The following PRMT8 variants were observed in gnomAD, a reference collection of about 807,000 sequenced individuals.
PRMT8 encodes protein arginine methyltransferase 8, also known as protein arginine N-methyltransferase 8.
PRMT8 carries 7 observed loss-of-function variants against 47.1 expected under a neutral mutation model. That is an observed-to-expected ratio of 0.15 (90% CI 0.08 to 0.28). The LOEUF is 0.28. PRMT8 is among the 10% of genes least tolerant of loss of function. PRMT8 has a pLI of 1.00. For synonymous variants in PRMT8, 188 were observed against 186.5 expected (o/e 1.01, Z -0.07); for missense variants, 237 against 505.4 (o/e 0.47, Z 5.09).
intron 1 of PRMT8, among the ~76,000 whole-genome samples, chr12:3,425,155 A>G (rs544004262): frequency 6.6e-6 from 1 of 152,296 alleles, no homozygotes; most frequent in African/African-American, 2.4e-5. Flanking sequence ...GAGTATTGCA[A>G]ACTTCGATGG....
At chr12:3,454,689 G>A (rs760844239) in intron 1 of PRMT8, among the ~76,000 whole-genome samples, 1 of 152,150 alleles carries the variant, frequency 6.6e-6, no homozygotes, top group Non-Finnish European at 1.5e-5. Flanking sequence ...AGGAAGGGGA[G>A]GAGTGAAACC....
At chr12:3,451,035 C>CCCA (rs1864912443) in intron 1 of PRMT8, among the ~76,000 whole-genome samples, 1 of 5,054 alleles carries the variant, frequency 2.0e-4, no homozygotes, top group African/African-American at 6.3e-4. Flanking sequence ...TTGCTGACAC[C>CCCA]CCCCCCCCCC....
chr12:3,437,213 A>G (rs1864753127), intron 1 of PRMT8, among the ~76,000 whole-genome samples: 1 of 152,076 alleles, frequency 6.6e-6, no homozygotes, highest in South Asian at 2.1e-4. Context: ...ATATATTTAT[A>G]TATATCTTCT....
Position 3,580,356 on chromosome 12 carries a change from G to GTA in PRMT8, c.829-2701_829-2700insAT. On this transcript the variant is annotated intron_variant, in intron 7 of 9. Coordinates refer to ENST00000382622, the MANE Select transcript of PRMT8 (RefSeq NM_019854.5). This position sits in a 1 kb window ranked among gnomAD's most constrained non-coding sequence, Gnocchi z 4.6. Reference sequence around the variant, plus strand: ...CGTGTGCGTGTGTGTGTGTGTGTGTGTGTGTGTGTGTACGCGTGCGCATGC... The same window carrying GTA: ...CGTGTGCGTGTGTGTGTGTGTGTGTGTATGTGTGTGTGTACGCGTGCGCATGC... Among the ~76,000 whole-genome samples, 1 of 147,020 alleles carries GTA rather than the reference G, an allele frequency of 6.8e-6. No homozygotes were observed. Among genetic ancestry groups the GTA allele is most frequent in the Admixed American group, 6.7e-5 (1 of 14,958 alleles).
At chr12:3,581,380 A>G (rs1867062222) in intron 7 of PRMT8, among the ~76,000 whole-genome samples, 1 of 152,144 alleles carries the variant, frequency 6.6e-6, no homozygotes, top group Non-Finnish European at 1.5e-5. Context: ...TTTCTTCATT[A>G]GTTTTGAAGA....
At chr12:3,487,354 C>CA (rs1167756951), upstream of PRMT8, among the ~76,000 whole-genome samples, 1 of 56 alleles carries the variant, frequency 0.018, no homozygotes, top group African/African-American at 0.1. Context: ...GCATGGTCCG[C>CA]AGTTAAAATG....
intron 5 of PRMT8, 88 bp downstream of exon 5, chr12:3,568,936 A>G (rs1293844840): frequency 1.5e-5 from 23 of 1,547,186 alleles, no homozygotes; most frequent in South Asian, 4.8e-5. Context: ...GCATACGAAG[A>G]CTTCAGAGAA....
chr12:3,568,610 AG>A (rs144225287), intron 4 of PRMT8, 95 bp from the exon 5 acceptor site: 64,277 of 1,401,812 alleles, frequency 0.046, 1,731 homozygotes, highest in South Asian at 0.062. Context: ...GAATCAGAAT[AG>A]GGCTGAAACC....
At position 3,574,660 on chromosome 12, in the gene PRMT8, G is replaced by C. The variant is rs192727724; in HGVS notation, c.713-2211G>C. Among the ~76,000 whole-genome samples, 37 of 152,304 alleles carry C rather than the reference G, an allele frequency of 2.4e-4. No individual in the cohort carries two copies. In the East Asian group the frequency reaches 6.2e-3, roughly 25 times the overall value. ...ATCACATTTAATCCTCATAGCAATCGTATGGGATTACCATCTTTATCATCA... is the reference window on the plus strand; with the variant it reads ...ATCACATTTAATCCTCATAGCAATCCTATGGGATTACCATCTTTATCATCA... On this transcript the variant is annotated intron_variant, in intron 6 of 9. Coordinates refer to ENST00000382622, the MANE Select transcript of PRMT8 (RefSeq NM_019854.5).
chr12:3,451,911 G>A (rs979559292), intron 1 of PRMT8, among the ~76,000 whole-genome samples: 4 of 152,184 alleles, frequency 2.6e-5, no homozygotes, highest in Non-Finnish European at 4.4e-5. Context: ...TCTCTGCCTG[G>A]CAGTTGAGGA....
chr12:3,496,110 C>T (rs185838911), intron 1 of PRMT8, among the ~76,000 whole-genome samples: 2 of 147,152 alleles, frequency 1.4e-5, no homozygotes, highest in East Asian at 2.0e-4. Flanking sequence ...TTATTTATGG[C>T]GATGACTCCC....
In PRMT8 at chr12:3,453,585, G is replaced by A. The variant is rs142326747; in HGVS notation, c.48+72143G>A. Among the ~76,000 whole-genome samples the A allele has an allele frequency of 6.6e-6, 1 of 152,184 alleles. No homozygotes were observed. Among genetic ancestry groups the A allele is most frequent in the African/African-American group, 2.4e-5 (1 of 41,436 alleles). ...CATGCCATCGTGACCTTGAAGTAGG[G>A]CTGAGAATGAGGTGTCTGGGTCAGG... On this transcript the variant is annotated intron_variant, in intron 1 of 9. Coordinates refer to the PRMT8 transcript ENST00000452611. The surrounding 1 kb of genome is among the most constrained non-coding windows in gnomAD (Gnocchi z 4.9).
intron 1 of PRMT8, among the ~76,000 whole-genome samples, chr12:3,420,035 C>CAGAG (rs145716727): frequency 1.5e-4 from 20 of 131,804 alleles, no homozygotes; most frequent in African/African-American, 4.5e-4. Context: ...GAGAGACAGA[C>CAGAG]AGAGAGAGAG....
At chr12:3,470,104 A>G (rs982778658) in intron 1 of PRMT8, among the ~76,000 whole-genome samples, 19 of 152,154 alleles carry the variant, frequency 1.2e-4, no homozygotes, top group Admixed American at 7.2e-4. Context: ...AGCGGATTAT[A>G]ACGAATACAC....
chr12:3,381,619 T>C (rs958683205), intron 1 of PRMT8, among the ~76,000 whole-genome samples: 1 of 152,188 alleles, frequency 6.6e-6, no homozygotes, highest in Admixed American at 6.5e-5. Flanking sequence ...GGCTCCACAG[T>C]CTTGTTGACT....
intron 1 of PRMT8, among the ~76,000 whole-genome samples, chr12:3,440,404 G>A (rs1292098773): frequency 3.3e-5 from 5 of 152,182 alleles, no homozygotes; most frequent in Non-Finnish European, 5.9e-5. Context: ...AGAGGTTGCA[G>A]TGAGCCAAGA....
intron 2 of PRMT8, among the ~76,000 whole-genome samples, chr12:3,544,605 G>T (rs1487927167): frequency 1.3e-5 from 2 of 152,192 alleles, no homozygotes; most frequent in Admixed American, 1.3e-4. Flanking sequence ...GTACTTATAG[G>T]TATGGGCGGG....
At chr12:3,562,998 C>T (rs1027092572) in intron 4 of PRMT8, among the ~76,000 whole-genome samples, 1 of 152,184 alleles carries the variant, frequency 6.6e-6, no homozygotes, top group Non-Finnish European at 1.5e-5. Context: ...GTACCAGTGC[C>T]TTCTTGATAA....
At chr12:3,400,861 A>T (rs1864307719) in intron 1 of PRMT8, among the ~76,000 whole-genome samples, 1 of 152,184 alleles carries the variant, frequency 6.6e-6, no homozygotes, top group African/African-American at 2.4e-5. Flanking sequence ...AAGATAGGCA[A>T]ATTGGCCAAG....
Sources: allele counts gnomAD v4.1 joint callset (sites outside exome capture counted in the v4.1 genomes callset), GRCh38; gene constraint gnomAD v4.1.1; non-coding constraint Gnocchi (gnomAD v3.1); transcripts MANE v1.5; gene names NCBI Gene and HGNC (gene_info 2026-07-23, HGNC 2026-07-21).